Variants in KCNC2 observed in about 807,000 individuals in gnomAD.
The protein encoded by KCNC2 is potassium voltage-gated channel subfamily C member 2.
Under a neutral mutation model 44.5 loss-of-function variants are expected in KCNC2, and 21 were observed. The ratio of observed to expected loss-of-function variants is 0.47; its 90% CI spans 0.33 to 0.68. KCNC2 has a LOEUF of 0.68. KCNC2 is among the 30% of genes least tolerant of loss of function. KCNC2 has a pLI of 0.01. For synonymous variants in KCNC2, 391 were observed against 339.1 expected, an observed-to-expected ratio of 1.15 and a Z score of -1.68; for missense variants, 589 against 826.2, an observed-to-expected ratio of 0.71 and a Z score of 3.52.
chr12:75,137,154 A>T (rs1889291146), intron 2 of KCNC2, among the ~76,000 whole-genome samples: 1 of 152,144 alleles, frequency 6.6e-6, no homozygotes. Flanking sequence ...CCCTCAAAAT[A>T]CTGTCTCAAC....
intron 2 of KCNC2, among the ~76,000 whole-genome samples, chr12:75,089,759 C>G (rs1885319506): frequency 6.6e-6 from 1 of 151,664 alleles, no homozygotes; most frequent in South Asian, 2.1e-4. Context: ...ATCTTTGTAG[C>G]CCTTAGCTAT....
chr12:75,073,398 GT>G (rs1249238711), intron 2 of KCNC2, among the ~76,000 whole-genome samples: 7 of 152,062 alleles, frequency 4.6e-5, no homozygotes, highest in Admixed American at 4.6e-4. Flanking sequence ...TATGAAGCCA[GT>G]TTTCTTTGTA....
At chr12:75,170,708 T>C (rs955332243) in intron 2 of KCNC2, among the ~76,000 whole-genome samples, 1 of 150,016 alleles carries the variant, frequency 6.7e-6, no homozygotes, top group Non-Finnish European at 1.5e-5. Context: ...TTTTTTTCTT[T>C]CCAGGAAGAG....
chr12:75,124,265 T>C (rs914803854), intron 2 of KCNC2, among the ~76,000 whole-genome samples: 67 of 152,166 alleles, frequency 4.4e-4, no homozygotes, highest in African/African-American at 1.6e-3. Flanking sequence ...TTTTTTAAAG[T>C]TAAAAGGCTC....
chr12:75,125,158 G>T (rs1888326125), intron 2 of KCNC2, among the ~76,000 whole-genome samples: 1 of 152,082 alleles, frequency 6.6e-6, no homozygotes, highest in Non-Finnish European at 1.5e-5. Flanking sequence ...AGCAGGCAAA[G>T]AACATCAAAT....
intron 2 of KCNC2, among the ~76,000 whole-genome samples, chr12:75,125,967 T>C (rs998452560): frequency 2.0e-5 from 3 of 152,196 alleles, no homozygotes; most frequent in African/African-American, 7.2e-5. Context: ...CAATTTAATA[T>C]ATATTATCTC....
chr12:75,162,499 C>G (rs1891184783), intron 2 of KCNC2, among the ~76,000 whole-genome samples: 1 of 151,692 alleles, frequency 6.6e-6, no homozygotes, highest in African/African-American at 2.4e-5. Flanking sequence ...TAGATTACAT[C>G]TGTAGTTTTG....
chr12:75,110,920 C>T (rs188052594), intron 2 of KCNC2, among the ~76,000 whole-genome samples: 1 of 151,982 alleles, frequency 6.6e-6, no homozygotes, highest in Non-Finnish European at 1.5e-5. Flanking sequence ...TCTTGTTTTC[C>T]CTGAATTTAT....
intron 2 of KCNC2, among the ~76,000 whole-genome samples, chr12:75,075,467 A>C (rs947904125): frequency 7.4e-4 from 95 of 129,118 alleles, no homozygotes; most frequent in South Asian, 1.1e-3. Flanking sequence ...ACATATATAT[A>C]TATATATATA....
chr12:75,177,313 A>G (rs1048082497), intron 2 of KCNC2, among the ~76,000 whole-genome samples: 1 of 151,980 alleles, frequency 6.6e-6, no homozygotes, highest in African/African-American at 2.4e-5. Flanking sequence ...AGGAAATATA[A>G]CTAAAATTCT....
At chr12:75,200,902 C>T (rs2031189538) in intron 2 of KCNC2, among the ~76,000 whole-genome samples, 1 of 151,576 alleles carries the variant, frequency 6.6e-6, no homozygotes, top group Non-Finnish European at 1.5e-5. Flanking sequence ...TGTAAGTCCT[C>T]AAGAGAATAA....
At chr12:75,107,366 A>G (rs1376574836) in intron 2 of KCNC2, among the ~76,000 whole-genome samples, 2 of 152,202 alleles carry the variant, frequency 1.3e-5, no homozygotes, top group African/African-American at 4.8e-5. Flanking sequence ...TATGGAGTTG[A>G]AAGAGTAGGC....
At chr12:75,061,144 G>T (rs549482867) in intron 2 of KCNC2, among the ~76,000 whole-genome samples, 2 of 152,108 alleles carry the variant, frequency 1.3e-5, no homozygotes, top group African/African-American at 2.4e-5. Context: ...GCATTGATTT[G>T]GTGCTTAGTA....
chr12:75,042,508 G>A lies in KCNC2; in HGVS notation c.*597C>T. 1 of 1,431,688 alleles carries A rather than the reference G, an allele frequency of 7.0e-7. No homozygotes were observed. Among genetic ancestry groups the A allele is most frequent in the African/African-American group, 1.4e-5 (1 of 69,034 alleles). The allele number at this position is 1,431,688 out of a possible 1,614,324, so 88.7% of individuals were successfully genotyped here. On this transcript the variant is annotated 3_prime_UTR_variant, in exon 5 of 5. Transcript: ENST00000549446. Reference sequence around the variant, plus strand: ...TAAGAAAAAAATGTCAAGGAGAAAAGTGCCCTCCCTGCCCCACAATTCAAC... The same window carrying A: ...TAAGAAAAAAATGTCAAGGAGAAAAATGCCCTCCCTGCCCCACAATTCAAC...
intron 2 of KCNC2, among the ~76,000 whole-genome samples, chr12:75,144,620 TTGTG>T (rs71650077): frequency 3.4e-5 from 5 of 146,590 alleles, no homozygotes; most frequent in East Asian, 3.9e-4. Context: ...GGGTGTACTT[TTGTG>T]TGTGTGTGTG....
intron 2 of KCNC2, among the ~76,000 whole-genome samples, chr12:75,155,998 T>G (rs929489829): frequency 2.6e-5 from 4 of 151,706 alleles, no homozygotes; most frequent in Non-Finnish European, 4.4e-5. Flanking sequence ...TTAGAGGAAG[T>G]GGAGTTGGGC....
intron 2 of KCNC2, among the ~76,000 whole-genome samples, chr12:75,172,088 A>C (rs534987039): frequency 6.6e-6 from 1 of 151,948 alleles, no homozygotes; most frequent in African/African-American, 2.4e-5. Context: ...CACATTGCTC[A>C]AATGAAGAGA....
intron 2 of KCNC2, among the ~76,000 whole-genome samples, chr12:75,092,443 T>C (rs1310486245): frequency 1.3e-5 from 2 of 151,688 alleles, no homozygotes; most frequent in African/African-American, 2.4e-5. Context: ...AAATTATTTG[T>C]AAAAATAGCT....
chr12:75,207,148 C>A lies in KCNC2; in HGVS notation c.687+149G>T. 7.2e-7 allele frequency: 1 copy of A among 1,395,296 alleles called. No homozygotes were observed. Among genetic ancestry groups the A allele is most frequent in the Non-Finnish European group, 9.4e-7 (1 of 1,067,094 alleles). The allele number at this position is 1,395,296 out of a possible 1,614,324, so 86.4% of individuals were successfully genotyped here. On this transcript the variant is annotated intron_variant, in intron 2 of 4. Coordinates refer to ENST00000549446, the MANE Select transcript of KCNC2 (RefSeq NM_139137.4). This position sits in a 1 kb window ranked among gnomAD's most constrained non-coding sequence, Gnocchi z 4.1. ...GGCCGGGGTCCCTGGGTTTACCCTG[C>A]AAAGGATGAGCCTCTAACTGTATCG... is the stretch of plus-strand genomic sequence containing the variant.
Sources: allele counts gnomAD v4.1 joint callset (sites outside exome capture counted in the v4.1 genomes callset), GRCh38; gene constraint gnomAD v4.1.1; non-coding constraint Gnocchi (gnomAD v3.1); transcripts MANE v1.5; gene names NCBI Gene and HGNC (gene_info 2026-07-23, HGNC 2026-07-21).